Variants in FMNL3 observed in about 807,000 individuals in gnomAD.
FMNL3 encodes the protein formin-like protein 3.
FMNL3 carries 57 observed loss-of-function variants against 119.6 expected under a neutral mutation model. The observed-to-expected ratio is 0.48, with a 90% CI of 0.39 to 0.59. The LOEUF is 0.59. Among genes scored for constraint, FMNL3 ranks in the 20% least tolerant of loss-of-function variants. The pLI is 0.00. For synonymous variants in FMNL3, 491 were observed against 507.3 expected (o/e 0.97, Z 0.43); for missense variants, 1,053 against 1,323.5 (o/e 0.80, Z 3.17).
chr12:49,680,257 A>C (rs1944302607), intron 1 of FMNL3, among the ~76,000 whole-genome samples: 1 of 152,204 alleles, frequency 6.6e-6, no homozygotes, highest in Non-Finnish European at 1.5e-5. Flanking sequence ...AAGCCATAAA[A>C]CTTAATGAAT....
intron 16 of FMNL3, 106 bp downstream of exon 16, chr12:49,651,062 C>T: frequency 3.9e-6 from 6 of 1,539,270 alleles, no homozygotes; most frequent in Non-Finnish European, 5.3e-6. Flanking sequence ...TGGAGCTAAG[C>T]CTGGCCTCAC....
chr12:49,653,678 G>A (rs1189916990), intron 12 of FMNL3, 47 bp downstream of exon 12: 2 of 1,609,014 alleles, frequency 1.2e-6, no homozygotes, highest in Non-Finnish European at 1.7e-6. Context: ...CTGGTTACTT[G>A]AGCTTCCATC....
At chr12:49,671,897 G>A (rs1251655388) in intron 1 of FMNL3, among the ~76,000 whole-genome samples, 1 of 152,180 alleles carries the variant, frequency 6.6e-6, no homozygotes, top group East Asian at 1.9e-4. Flanking sequence ...CACTAAATGT[G>A]GGTGAAGTCA....
chr12:49,683,772 T>TA (rs1174226637), intron 1 of FMNL3, among the ~76,000 whole-genome samples: 1 of 152,098 alleles, frequency 6.6e-6, no homozygotes, highest in Admixed American at 6.6e-5. Flanking sequence ...AAGCCCTCCT[T>TA]ACCACTTGAG....
chr12:49,705,868 C>T (rs528922165), intron 1 of FMNL3, among the ~76,000 whole-genome samples: 3 of 152,192 alleles, frequency 2.0e-5, no homozygotes, highest in African/African-American at 7.2e-5. Flanking sequence ...TCTCTACCAT[C>T]GGAGAGGCCA....
intron 1 of FMNL3, among the ~76,000 whole-genome samples, chr12:49,692,184 C>G (rs1944624607): frequency 6.6e-6 from 1 of 151,822 alleles, no homozygotes; most frequent in African/African-American, 2.4e-5. Flanking sequence ...AAGACCCTGT[C>G]TATTCAAAAA....
chr12:49,643,413 G>C lies in FMNL3; in HGVS notation c.*2402C>G. ...CTTGGAGCAGGTAAGCAGTTGCTGTGAGCGTAGAAGCTGGAGAACTGTTGT... is the reference window on the plus strand; with the variant it reads ...CTTGGAGCAGGTAAGCAGTTGCTGTCAGCGTAGAAGCTGGAGAACTGTTGT... On this transcript the variant is annotated 3_prime_UTR_variant, in exon 26 of 26. Coordinates refer to ENST00000335154, the MANE Select transcript of FMNL3 (RefSeq NM_175736.5). 1 of 1,537,702 alleles carries C rather than the reference G, an allele frequency of 6.5e-7. No homozygotes were observed. Among genetic ancestry groups the C allele is most frequent in the Non-Finnish European group, 8.7e-7 (1 of 1,145,008 alleles).
intron 1 of FMNL3, among the ~76,000 whole-genome samples, chr12:49,695,703 G>GA (rs1178195590): frequency 6.6e-6 from 1 of 151,674 alleles, no homozygotes; most frequent in Non-Finnish European, 1.5e-5. Context: ...ACTCTACTCA[G>GA]AAAAAAACAG....
In FMNL3 at chr12:49,642,387, C is replaced by T; in HGVS notation, c.*3428G>A. On this transcript the variant is annotated 3_prime_UTR_variant, in exon 26 of 26. Coordinates refer to ENST00000335154, the MANE Select transcript of FMNL3 (RefSeq NM_175736.5). This position sits in a 1 kb window ranked among gnomAD's most constrained non-coding sequence, Gnocchi z 5.8. ...CCTGGGAAGAGGTCAGGAGCGTAGC[C>T]TGGCCCCAAGCACCCCTCAAGCCTG... 6.2e-7 allele frequency: 1 copy of T among 1,612,898 alleles called. No individual in the cohort carries two copies. The highest frequency in any genetic ancestry group is 8.5e-7 in the Non-Finnish European group (1 of 1,179,544).
rs945398639 is a variant in FMNL3 at position 49,657,413 on chromosome 12, G to C, written c.606-223C>G. Among the ~76,000 whole-genome samples, 4 of 152,268 alleles carry C rather than the reference G, an allele frequency of 2.6e-5. No individual in the cohort carries two copies. The Middle Eastern group carries it at 0.01, about 388-fold the overall frequency. On this transcript the variant is annotated intron_variant, in intron 6 of 25. Transcript: ENST00000335154. ...TTTGTCAGCAACTATTCAGGATCCCGGTTTTATAACCAGTGCCCCAACCCT... is the reference window on the plus strand; with the variant it reads ...TTTGTCAGCAACTATTCAGGATCCCCGTTTTATAACCAGTGCCCCAACCCT...
intron 1 of FMNL3, among the ~76,000 whole-genome samples, chr12:49,696,265 T>C (rs919717360): frequency 1.3e-5 from 2 of 152,178 alleles, no homozygotes; most frequent in African/African-American, 4.8e-5. Context: ...CCTCAGTATA[T>C]GTGGGGAATT....
In FMNL3 at chr12:49,652,101, C is replaced by G. The variant is rs778627558; in HGVS notation, c.1435G>C (p.Glu479Gln). Residue 479 changes from glutamate to glutamine, a missense_variant, in exon 14 of 26, where the codon GAG becomes CAG. Glu to Gln is a conservative substitution (Grantham distance 29). Transcript: ENST00000335154. ...CHLEPNVRGL[E>Q]SVDSEALARV... Reference sequence around the variant, plus strand: ...GCCAGGGCCTCACTGTCCACAGACTCCAGGCCCCGGACATTTGGCTCCAAA... The same window carrying G: ...GCCAGGGCCTCACTGTCCACAGACTGCAGGCCCCGGACATTTGGCTCCAAA... 6.2e-7 allele frequency: 1 copy of G among 1,613,094 alleles called. No homozygotes were observed. Among genetic ancestry groups the G allele is most frequent in the South Asian group, 1.1e-5 (1 of 90,734 alleles).
chr12:49,667,078 A>G (rs1943911906), intron 2 of FMNL3, among the ~76,000 whole-genome samples: 1 of 152,108 alleles, frequency 6.6e-6, no homozygotes, highest in Non-Finnish European at 1.5e-5. Context: ...TCTACCTAGG[A>G]CCTGGGACCA....
chr12:49,640,391 C>G lies in FMNL3; in HGVS notation c.*5424G>C, dbSNP rs559230766. ...ACTAAGTGCTGTTCTCAGGAACATG[C>G]ATATGCAAGAGAATAAAAGGTCAGA... On this transcript the variant is annotated 3_prime_UTR_variant, in exon 26 of 26. Transcript: ENST00000335154. The G allele has an allele frequency of 6.6e-6, 1 of 152,292 alleles. No homozygotes were observed. The highest frequency in any genetic ancestry group is 2.4e-5 in the African/African-American group (1 of 41,522). 9.4% of individuals were successfully genotyped at this position (152,292 alleles called of 1,614,324 possible).
At chr12:49,686,564 C>T (rs895261605) in intron 1 of FMNL3, among the ~76,000 whole-genome samples, 7 of 127,552 alleles carry the variant, frequency 5.5e-5, no homozygotes, top group Admixed American at 2.8e-4. Flanking sequence ...GGCGACAGAG[C>T]GAGACTTCAT....
Position 49,644,217 on chromosome 12 carries a change from G to T in FMNL3, c.*1598C>A. 1 of 1,612,972 alleles carries T rather than the reference G, an allele frequency of 6.2e-7. No individual in the cohort carries two copies. The highest frequency in any genetic ancestry group is 8.5e-7 in the Non-Finnish European group (1 of 1,179,216). ...ACCCAATGAGCTGTTCTCTGCCTCG[G>T]GTCTGTGTGAGGCCATGGCTCCTGG... On this transcript the variant is annotated 3_prime_UTR_variant, in exon 26 of 26. Coordinates refer to ENST00000335154, the MANE Select transcript of FMNL3 (RefSeq NM_175736.5).
At chr12:49,650,647 G>T in intron 17 of FMNL3, 29 bp downstream of exon 17, 1 of 1,610,814 alleles carries the variant, frequency 6.2e-7, no homozygotes, top group South Asian at 1.1e-5. Flanking sequence ...ACAGACTAGG[G>T]ACCAGAGCCA....
intron 10 of FMNL3, 96 bp downstream of exon 10, chr12:49,654,814 G>A (rs1943520409): frequency 3.5e-6 from 4 of 1,151,956 alleles, no homozygotes; most frequent in Non-Finnish European, 5.0e-6. Context: ...GGCTCTACGT[G>A]GAATATCAAG....
At chr12:49,681,262 G>A (rs1450194305) in intron 1 of FMNL3, among the ~76,000 whole-genome samples, 1 of 152,162 alleles carries the variant, frequency 6.6e-6, no homozygotes, top group East Asian at 1.9e-4. Context: ...GCGCAGTGGC[G>A]CGATTTCAGC....
Sources: allele counts gnomAD v4.1 joint callset (sites outside exome capture counted in the v4.1 genomes callset), GRCh38; gene constraint gnomAD v4.1.1; non-coding constraint Gnocchi (gnomAD v3.1); transcripts MANE v1.5; gene names NCBI Gene and HGNC (gene_info 2026-07-23, HGNC 2026-07-21).